The following SPAG17 variants were observed in gnomAD, a reference collection of about 807,000 sequenced individuals.
The protein encoded by SPAG17 is sperm-associated antigen 17.
A neutral mutation model predicts 273.6 loss-of-function variants in SPAG17; 169 were observed. The ratio of observed to expected loss-of-function variants is 0.62; its 90% CI spans 0.55 to 0.70. The LOEUF (loss-of-function observed/expected upper bound fraction) is 0.70. SPAG17 is among the 30% of genes least tolerant of loss of function. The pLI is 0.00. For synonymous variants in SPAG17, 825 were observed against 873.2 expected, an observed-to-expected ratio of 0.94 and a Z score of 0.97; for missense variants, 2,557 against 2,627.8, an observed-to-expected ratio of 0.97 and a Z score of 0.59.
At position 117,954,731 on chromosome 1, in the gene SPAG17, T is replaced by C. The variant is rs146652594; in HGVS notation, c.*1-682A>G. 8.9e-4 allele frequency: 1,041 copies of C among 1,171,356 alleles called. 15 individuals are homozygous for C. In the East Asian group the frequency reaches 0.016, roughly 18 times the overall value. The allele number at this position is 1,171,356 out of a possible 1,614,324, so 72.6% of individuals were successfully genotyped here. On this transcript the variant is annotated intron_variant, in intron 48 of 48. Coordinates refer to ENST00000336338, the MANE Select transcript of SPAG17 (RefSeq NM_206996.4). ...TGATTTGGGGATGGATTATTGGGAA[T>C]ACTTTGTCTTCAAAAGTCTCTTTTG...
chr1:118,148,251 G>C (rs539381309), intron 3 of SPAG17, among the ~76,000 whole-genome samples: 6 of 152,068 alleles, frequency 3.9e-5, no homozygotes, highest in Admixed American at 2.0e-4. Flanking sequence ...TGGGTTCCTC[G>C]TCTCACTGAC....
chr1:118,004,561 G>A (rs559641368), intron 32 of SPAG17, among the ~76,000 whole-genome samples: 1 of 152,320 alleles, frequency 6.6e-6, no homozygotes, highest in East Asian at 1.9e-4. Flanking sequence ...CTCACAGTTT[G>A]ATCTCAGGCT....
intron 32 of SPAG17, among the ~76,000 whole-genome samples, chr1:118,003,849 G>A (rs1658578838): frequency 6.6e-6 from 1 of 152,162 alleles, no homozygotes; most frequent in African/African-American, 2.4e-5. Context: ...ATCCAGCTTT[G>A]TTCTGTTGCT....
At chr1:118,110,903 G>A (rs1288907048) in intron 4 of SPAG17, among the ~76,000 whole-genome samples, 1 of 152,104 alleles carries the variant, frequency 6.6e-6, no homozygotes, top group Non-Finnish European at 1.5e-5. Context: ...GACAGTTCTG[G>A]ATTTGAATCC....
At chr1:118,042,487 CAT>C (rs900789237) in intron 20 of SPAG17, among the ~76,000 whole-genome samples, 3 of 152,092 alleles carry the variant, frequency 2.0e-5, no homozygotes, top group African/African-American at 7.2e-5. Context: ...TGATGGATAA[CAT>C]AGGTAAAATG....
intron 10 of SPAG17, 31 bp from the exon 11 acceptor site, chr1:118,087,039 G>A: frequency 6.5e-7 from 1 of 1,536,388 alleles, no homozygotes; most frequent in Non-Finnish European, 8.7e-7. Context: ...AGGAATTGGT[G>A]TAAGGGTCCG....
chr1:117,998,361 T>C (rs1339200877), intron 32 of SPAG17, among the ~76,000 whole-genome samples: 4 of 152,160 alleles, frequency 2.6e-5, no homozygotes, highest in Admixed American at 6.6e-5. Flanking sequence ...GATCAGATGA[T>C]TGCAGGTGTG....
chr1:118,033,688 A>T (rs925209057), intron 24 of SPAG17, among the ~76,000 whole-genome samples: 1 of 152,078 alleles, frequency 6.6e-6, no homozygotes, highest in African/African-American at 2.4e-5. Flanking sequence ...ATTCTTCACA[A>T]TCTGGTCTTC....
intron 29 of SPAG17, among the ~76,000 whole-genome samples, chr1:118,014,071 A>G (rs1659734158): frequency 6.6e-6 from 1 of 152,198 alleles, no homozygotes; most frequent in Non-Finnish European, 1.5e-5. Flanking sequence ...GAGATCTGGG[A>G]CACAGTGTTG....
chr1:117,994,370 C>T (rs531050184), intron 35 of SPAG17, 36 bp downstream of exon 35: 23 of 1,597,718 alleles, frequency 1.4e-5, no homozygotes, highest in African/African-American at 2.7e-5. Flanking sequence ...TGGATGTATA[C>T]GCTAATAAAA....
Position 118,031,313 on chromosome 1 carries a change from A to G in SPAG17, c.3609+379T>C, listed in dbSNP as rs149137131. Among the ~76,000 whole-genome samples, 175 of 150,996 alleles carry G rather than the reference A, an allele frequency of 1.2e-3. 2 individuals are homozygous for G. Among genetic ancestry groups the G allele is most frequent in the African/African-American group, 4.0e-3 (166 of 41,132 alleles). ...AACTGTTTCCATTGTTTGGTTAAAT[A>G]TATTTTTCTTCCATTTGTTATTTAT... is the stretch of plus-strand genomic sequence containing the variant. On this transcript the variant is annotated intron_variant, in intron 25 of 48. Transcript: ENST00000336338.
Position 118,101,745 on chromosome 1 carries a change from T to A in SPAG17, c.629A>T (p.Tyr210Phe), listed in dbSNP as rs1656078152. 1.9e-6 allele frequency: 3 copies of A among 1,612,176 alleles called. No homozygotes were observed. Among genetic ancestry groups the A allele is most frequent in the Non-Finnish European group, 2.5e-6 (3 of 1,179,552 alleles). Residue 210 changes from tyrosine (Y) to phenylalanine (F), a missense_variant, in exon 5 of 49, where the codon TAC becomes TTC. Transcript: ENST00000336338. ...RRGEDDHTNR[Y>F]IDDEPDDGAQ... ...GGCAGCAGCACCTTACTGACCAATG[T>A]AACGATTGGTGTGGTCGTCTTCTCC...
intron 20 of SPAG17, 64 bp from the exon 21 acceptor site, chr1:118,042,106 G>A: frequency 6.5e-7 from 1 of 1,544,126 alleles, no homozygotes; most frequent in Non-Finnish European, 8.7e-7. Context: ...TTCCATTCAG[G>A]TTCATTTTGA....
chr1:118,000,956 G>A (rs1451152477), intron 32 of SPAG17, among the ~76,000 whole-genome samples: 2 of 152,130 alleles, frequency 1.3e-5, no homozygotes, highest in Non-Finnish European at 2.9e-5. Context: ...TTGGCTGTGG[G>A]TTTGTCATAA....
chr1:117,994,277 T>G, intron 35 of SPAG17, 129 bp downstream of exon 35: 1 of 990,064 alleles, frequency 1.0e-6, no homozygotes, highest in Non-Finnish European at 1.4e-6. Flanking sequence ...TAAAACTCCT[T>G]GAGCACATTA....
intron 23 of SPAG17, among the ~76,000 whole-genome samples, chr1:118,038,040 A>G (rs1248161710): frequency 6.6e-6 from 1 of 152,220 alleles, no homozygotes; most frequent in Non-Finnish European, 1.5e-5. Flanking sequence ...GACATCTGTT[A>G]AAGGACTATT....
At chr1:118,053,796 T>C (rs1173293961) in intron 20 of SPAG17, among the ~76,000 whole-genome samples, 4 of 151,904 alleles carry the variant, frequency 2.6e-5, no homozygotes, top group Admixed American at 2.6e-4. Context: ...AGCTATAACA[T>C]ATACACAAAA....
intron 38 of SPAG17, 34 bp downstream of exon 38, chr1:117,990,825 TAA>T: frequency 7.0e-7 from 1 of 1,430,384 alleles, no homozygotes; most frequent in South Asian, 1.2e-5. Context: ...TTGAAACTTG[TAA>T]ATATACTGCA....
chr1:118,058,404 G>T (rs1651930404), intron 18 of SPAG17, among the ~76,000 whole-genome samples: 2 of 152,112 alleles, frequency 1.3e-5, no homozygotes, highest in African/African-American at 4.8e-5. Flanking sequence ...GACAGGTTTT[G>T]CCATGTTGCC....
Sources: allele counts gnomAD v4.1 joint callset (sites outside exome capture counted in the v4.1 genomes callset), GRCh38; gene constraint gnomAD v4.1.1; transcripts MANE v1.5; gene names NCBI Gene and HGNC (gene_info 2026-07-23, HGNC 2026-07-21).